CDKAL1: variants seen among roughly 807,000 people sequenced by gnomAD.
CDKAL1 encodes the protein threonylcarbamoyladenosine tRNA methylthiotransferase.
CDKAL1 carries 32 observed loss-of-function variants against 68.2 expected under a neutral mutation model. The observed-to-expected ratio is 0.47, with a 90% CI of 0.35 to 0.63. The LOEUF (loss-of-function observed/expected upper bound fraction) is 0.63. Among genes scored for constraint, CDKAL1 ranks in the 30% least tolerant of loss-of-function variants. The pLI, the probability that CDKAL1 is intolerant of heterozygous loss-of-function variation, is 0.00. For synonymous variants in CDKAL1, 234 were observed against 244.3 expected, an observed-to-expected ratio of 0.96 and a Z score of 0.39; for missense variants, 606 against 696.7, an observed-to-expected ratio of 0.87 and a Z score of 1.47.
At chr6:20,569,875 G>T (rs943752094) in intron 4 of CDKAL1, among the ~76,000 whole-genome samples, 4 of 152,118 alleles carry the variant, frequency 2.6e-5, no homozygotes, top group Non-Finnish European at 4.4e-5. Flanking sequence ...AAGATGGCTG[G>T]TAGGTAACAT....
chr6:20,725,783 TAAAAAAAAAA>T (rs67587689), intron 5 of CDKAL1, among the ~76,000 whole-genome samples: 146 of 99,080 alleles, frequency 1.5e-3, no homozygotes, highest in African/African-American at 5.1e-3. Context: ...AAACTCCGTC[TAAAAAAAAAA>T]AAAAAAAAAA....
intron 9 of CDKAL1, among the ~76,000 whole-genome samples, chr6:20,938,063 C>T (rs987208079): frequency 6.6e-6 from 1 of 152,070 alleles, no homozygotes; most frequent in Non-Finnish European, 1.5e-5. Flanking sequence ...ATATGGAAGA[C>T]CTCTGCTTTT....
intron 8 of CDKAL1, among the ~76,000 whole-genome samples, chr6:20,792,499 C>T (rs1354755902): frequency 6.6e-6 from 1 of 152,146 alleles, no homozygotes; most frequent in Non-Finnish European, 1.5e-5. Flanking sequence ...ATGTACTGTT[C>T]TGTTACTGCT....
At chr6:20,555,157 T>C (rs1763984822) in intron 4 of CDKAL1, among the ~76,000 whole-genome samples, 1 of 152,200 alleles carries the variant, frequency 6.6e-6, no homozygotes, top group African/African-American at 2.4e-5. Flanking sequence ...GAACCAGCCA[T>C]GGATTCCAGC....
intron 8 of CDKAL1, among the ~76,000 whole-genome samples, chr6:20,841,830 AG>A (rs1332744495): frequency 1.3e-5 from 2 of 152,232 alleles, no homozygotes; most frequent in African/African-American, 4.8e-5. Flanking sequence ...TCTGCTTTTG[AG>A]GGTTTTAGTC....
chr6:21,193,414 T>C (rs1471746267), intron 13 of CDKAL1, among the ~76,000 whole-genome samples: 2 of 152,206 alleles, frequency 1.3e-5, no homozygotes, highest in East Asian at 3.9e-4. Context: ...AGCCTACAGA[T>C]CTACCTTCAA....
At chr6:20,842,885 C>A (rs1377468498) in intron 8 of CDKAL1, among the ~76,000 whole-genome samples, 3 of 152,104 alleles carry the variant, frequency 2.0e-5, no homozygotes, top group Non-Finnish European at 2.9e-5. Flanking sequence ...CTATAATTAA[C>A]CCCAAGGGAA....
chr6:21,144,225 T>C (rs1251533119), intron 13 of CDKAL1, among the ~76,000 whole-genome samples: 1 of 152,206 alleles, frequency 6.6e-6, no homozygotes, highest in African/African-American at 2.4e-5. Context: ...GGTCCTCAGT[T>C]TTCTGATCTG....
chr6:20,844,061 C>T (rs1000408873), intron 8 of CDKAL1, among the ~76,000 whole-genome samples: 4 of 152,012 alleles, frequency 2.6e-5, no homozygotes, highest in African/African-American at 7.2e-5. Flanking sequence ...TTTAAAATGA[C>T]GTGTCAAGTC....
At chr6:20,981,624 G>A (rs184673692) in intron 10 of CDKAL1, among the ~76,000 whole-genome samples, 190 of 152,292 alleles carry the variant, frequency 1.2e-3, no homozygotes, top group African/African-American at 4.2e-3. Context: ...GGTGGATCAC[G>A]AGGTCAGGAG....
chr6:20,716,387 G>C (rs1273850498), intron 5 of CDKAL1, among the ~76,000 whole-genome samples: 2 of 152,112 alleles, frequency 1.3e-5, no homozygotes, highest in African/African-American at 4.8e-5. Flanking sequence ...AAGAGCTGGG[G>C]AATGAGATTT....
At chr6:21,123,382 G>C (rs2151011393) in intron 13 of CDKAL1, among the ~76,000 whole-genome samples, 1 of 152,290 alleles carries the variant, frequency 6.6e-6, no homozygotes, top group Admixed American at 6.5e-5. Context: ...TTGAGCCTGG[G>C]GGAGCGGAGG....
intron 4 of CDKAL1, among the ~76,000 whole-genome samples, chr6:20,632,120 T>A (rs1370434783): frequency 1.3e-5 from 2 of 152,170 alleles, no homozygotes; most frequent in African/African-American, 4.8e-5. Flanking sequence ...AATTCATATG[T>A]TGGAAATGTG....
chr6:21,114,662 C>A (rs1774313512), intron 13 of CDKAL1, among the ~76,000 whole-genome samples: 1 of 152,038 alleles, frequency 6.6e-6, no homozygotes, highest in African/African-American at 2.4e-5. Context: ...TGGCTTAAGT[C>A]CAGGAGTTCG....
chr6:20,681,436 A>G (rs1157151789), intron 5 of CDKAL1, among the ~76,000 whole-genome samples: 1 of 152,096 alleles, frequency 6.6e-6, no homozygotes, highest in African/African-American at 2.4e-5. Context: ...TGTTTTACAA[A>G]TTTATTGAAT....
At chr6:20,965,058 T>G (rs1199523551) in intron 10 of CDKAL1, among the ~76,000 whole-genome samples, 2 of 152,122 alleles carry the variant, frequency 1.3e-5, no homozygotes, top group African/African-American at 2.4e-5. Context: ...CACCTGTAAT[T>G]CCAGGTGTTT....
At chr6:20,573,030 A>G (rs1476403893) in intron 4 of CDKAL1, among the ~76,000 whole-genome samples, 1 of 152,220 alleles carries the variant, frequency 6.6e-6, no homozygotes, top group Non-Finnish European at 1.5e-5. Context: ...TGGGGAAATT[A>G]TATTAACATT....
intron 9 of CDKAL1, among the ~76,000 whole-genome samples, chr6:20,927,113 C>T (rs1016823507): frequency 2.0e-5 from 3 of 152,040 alleles, no homozygotes; most frequent in Admixed American, 1.3e-4. Flanking sequence ...GTGTATTATG[C>T]ATACAGTGTA....
At chr6:20,914,873 A>G (rs576979089) in intron 9 of CDKAL1, among the ~76,000 whole-genome samples, 3 of 152,286 alleles carry the variant, frequency 2.0e-5, no homozygotes, top group African/African-American at 7.2e-5. Flanking sequence ...CAGTTGTATC[A>G]CTAAGGTATT....
Sources: gnomAD v4.1 joint callset for allele counts (sites outside exome capture counted in the v4.1 genomes callset) on GRCh38, gnomAD v4.1.1 for gene constraint, MANE v1.5 for transcripts, NCBI Gene and HGNC (gene_info 2026-07-23, HGNC 2026-07-21) for gene names.